CAPN13: variants seen among roughly 807,000 people sequenced by gnomAD.
CAPN13 encodes the protein calpain 13, also known as calpain-13.
CAPN13 carries 90 observed loss-of-function variants against 98.4 expected under a neutral mutation model. The ratio of observed to expected loss-of-function variants is 0.92; its 90% CI spans 0.77 to 1.09. The LOEUF (loss-of-function observed/expected upper bound fraction) is 1.09. Among genes scored for constraint, CAPN13 ranks in the 50% least tolerant of loss-of-function variants. The pLI is 0.00. For missense variants in CAPN13, 887 were observed against 841.3 expected, an observed-to-expected ratio of 1.05 and a Z score of -0.67; for synonymous variants, 330 against 305.5, an observed-to-expected ratio of 1.08 and a Z score of -0.84.
At chr2:30,727,192 G>T (rs149421327) in intron 22 of CAPN13, among the ~76,000 whole-genome samples, 22 of 152,198 alleles carry the variant, frequency 1.4e-4, no homozygotes, top group African/African-American at 4.1e-4. Context: ...TCTCAAAATG[G>T]ATCAAAGACC....
chr2:30,742,661 T>C (rs1329982251), intron 13 of CAPN13, among the ~76,000 whole-genome samples: 1 of 152,186 alleles, frequency 6.6e-6, no homozygotes, highest in Non-Finnish European at 1.5e-5. Context: ...CCATCTCTGA[T>C]TGGTGGTATG....
intron 5 of CAPN13, among the ~76,000 whole-genome samples, chr2:30,765,279 A>T (rs1270639895): frequency 2.6e-5 from 4 of 152,194 alleles, no homozygotes; most frequent in Non-Finnish European, 5.9e-5. Context: ...GGGCAAGCTC[A>T]CAGAGGATAT....
At position 30,758,149 on chromosome 2, in the gene CAPN13, A is replaced by G. The variant is rs936505061; in HGVS notation, c.775-12T>C. On this transcript the variant is annotated splice_polypyrimidine_tract_variant and intron_variant, in intron 7 of 22. Coordinates refer to ENST00000295055, the MANE Select transcript of CAPN13 (RefSeq NM_144575.3). ...CTTCGGTATTGAATCTGTAAAGAAA[A>G]CAGAAAAGGAAACTCAGTGCTCTAC... The G allele has an allele frequency of 3.2e-6, 5 of 1,578,490 alleles. No individual in the cohort carries two copies. Among genetic ancestry groups the G allele is most frequent in the African/African-American group, 2.7e-5 (2 of 73,584 alleles).
intron 1 of CAPN13, among the ~76,000 whole-genome samples, chr2:30,803,215 CAA>C (rs1311901777): frequency 1.3e-5 from 2 of 152,324 alleles, no homozygotes; most frequent in South Asian, 4.1e-4. Flanking sequence ...AGAACAGGGG[CAA>C]AGATTCCTGT....
chr2:30,751,645 G>T (rs941244969), intron 10 of CAPN13, among the ~76,000 whole-genome samples: 1 of 152,190 alleles, frequency 6.6e-6, no homozygotes, highest in Admixed American at 6.5e-5. Flanking sequence ...GCAGTGAGAT[G>T]GCAATTACAG....
intron 4 of CAPN13, among the ~76,000 whole-genome samples, chr2:30,771,561 G>A (rs1224042566): frequency 3.3e-5 from 5 of 152,244 alleles, no homozygotes; most frequent in Non-Finnish European, 5.9e-5. Flanking sequence ...GCAGCAAGAT[G>A]TGTCGGCAGT....
At chr2:30,801,274 G>A (rs1417707639) in intron 1 of CAPN13, among the ~76,000 whole-genome samples, 1 of 152,016 alleles carries the variant, frequency 6.6e-6, no homozygotes, top group African/African-American at 2.4e-5. Flanking sequence ...GGATTTCCCT[G>A]GGCCTATCTT....
chr2:30,735,645 T>C (rs985916132), intron 18 of CAPN13, among the ~76,000 whole-genome samples: 1 of 152,170 alleles, frequency 6.6e-6, no homozygotes, highest in Admixed American at 6.5e-5. Flanking sequence ...CGCAGTGCCC[T>C]GCAATGAAAT....
At chr2:30,744,721 T>C (rs72783020) in intron 12 of CAPN13, among the ~76,000 whole-genome samples, 8,562 of 152,188 alleles carry the variant, frequency 0.056, 359 homozygotes, top group East Asian at 0.17. Context: ...AGTGTGAGTG[T>C]GGGGGAACAA....
intron 2 of CAPN13, among the ~76,000 whole-genome samples, chr2:30,784,363 G>T (rs112683851): frequency 6.6e-6 from 1 of 152,170 alleles, no homozygotes; most frequent in South Asian, 2.1e-4. Context: ...CCCTGAGGCT[G>T]CTACCTTATG....
chr2:30,743,284 C>T, intron 13 of CAPN13, 99 bp downstream of exon 13: 1 of 1,065,572 alleles, frequency 9.4e-7, no homozygotes, highest in South Asian at 1.3e-5. Flanking sequence ...TGACATAGCA[C>T]AGGCTGCACG....
At chr2:30,782,272 A>G (rs1674023365) in intron 2 of CAPN13, among the ~76,000 whole-genome samples, 1 of 152,184 alleles carries the variant, frequency 6.6e-6, no homozygotes, top group Non-Finnish European at 1.5e-5. Flanking sequence ...CCGCTCTTGG[A>G]TAAGAGAGCC....
At chr2:30,794,123 A>G (rs1674735047) in intron 1 of CAPN13, among the ~76,000 whole-genome samples, 1 of 151,828 alleles carries the variant, frequency 6.6e-6, no homozygotes, top group African/African-American at 2.4e-5. Context: ...TGCAAATTTC[A>G]GACTACGTGA....
chr2:30,800,154 A>AAG (rs1219350683), intron 1 of CAPN13, among the ~76,000 whole-genome samples: 1 of 149,810 alleles, frequency 6.7e-6, no homozygotes, highest in Admixed American at 6.6e-5. Flanking sequence ...GAAAGAAAGA[A>AAG]AGAAAGAAAG....
chr2:30,724,023 G>A (rs1670777191), intron 22 of CAPN13, among the ~76,000 whole-genome samples: 1 of 152,136 alleles, frequency 6.6e-6, no homozygotes, highest in Non-Finnish European at 1.5e-5. Flanking sequence ...TGCTTATGCA[G>A]TTAATTCTTG....
At chr2:30,730,929 C>T (rs939546264) in intron 21 of CAPN13, 143 bp from the exon 22 acceptor site, 166 of 680,048 alleles carry the variant, frequency 2.4e-4, no homozygotes, top group Non-Finnish European at 3.7e-4. Context: ...AAGCAGGGTA[C>T]GGGGCGGGGT....
At chr2:30,761,260 T>C (rs566858862) in intron 7 of CAPN13, among the ~76,000 whole-genome samples, 3 of 152,284 alleles carry the variant, frequency 2.0e-5, no homozygotes, top group Non-Finnish European at 2.9e-5. Context: ...GGACATGCGG[T>C]CTTGATCACC....
At chr2:30,800,188 G>GAA (rs1171571332) in intron 1 of CAPN13, among the ~76,000 whole-genome samples, 6 of 148,158 alleles carry the variant, frequency 4.0e-5, no homozygotes, top group African/African-American at 9.9e-5. Flanking sequence ...AAGAAAGAAA[G>GAA]AAAACTACGT....
At chr2:30,763,177 T>A in intron 6 of CAPN13, 21 bp from the exon 7 acceptor site, 1 of 1,603,336 alleles carries the variant, frequency 6.2e-7, no homozygotes, top group Middle Eastern at 1.7e-4. Context: ...GAAAAGCAGA[T>A]CAAACATTAG....
Sources: gnomAD v4.1 joint callset for allele counts (sites outside exome capture counted in the v4.1 genomes callset) on GRCh38, gnomAD v4.1.1 for gene constraint, MANE v1.5 for transcripts, NCBI Gene and HGNC (gene_info 2026-07-23, HGNC 2026-07-21) for gene names.